Variants in SLCO1B3 observed in about 807,000 individuals in gnomAD.
SLCO1B3 encodes the protein liver-specific organic anion transporter 2.
SLCO1B3 carries 72 observed loss-of-function variants against 71.8 expected under a neutral mutation model. The ratio of observed to expected loss-of-function variants is 1.00; its 90% confidence interval spans 0.83 to 1.22. The LOEUF (loss-of-function observed/expected upper bound fraction) is 1.22, where lower values mean the gene tolerates loss of function less well. Among genes scored for constraint, SLCO1B3 ranks in the 50% most tolerant of loss-of-function variants. The pLI, the probability that SLCO1B3 is intolerant of heterozygous loss-of-function variation, is 0.00. For missense variants in SLCO1B3, 911 were observed against 819.7 expected, an observed-to-expected ratio of 1.11 and a Z score of -1.36; for synonymous variants, 298 against 278.4, an observed-to-expected ratio of 1.07 and a Z score of -0.70.
At chr12:20,865,002 T>C (rs1865343689) in intron 8 of SLCO1B3, among the ~76,000 whole-genome samples, 1 of 152,094 alleles carries the variant, frequency 6.6e-6, no homozygotes, top group Non-Finnish European at 1.5e-5. Flanking sequence ...GGCACCGGCA[T>C]TAATAAGGCT....
At chr12:20,891,242 A>C (rs1320255538) in intron 13 of SLCO1B3, among the ~76,000 whole-genome samples, 1 of 151,824 alleles carries the variant, frequency 6.6e-6, no homozygotes, top group African/African-American at 2.4e-5. Flanking sequence ...GTGTTTGCTT[A>C]TTTGGGAAGT....
At chr12:20,871,798 C>T (rs1865479840) in intron 8 of SLCO1B3, among the ~76,000 whole-genome samples, 1 of 152,092 alleles carries the variant, frequency 6.6e-6, no homozygotes, top group Non-Finnish European at 1.5e-5. Context: ...CTTGTGGCCC[C>T]CCAACCACTG....
chr12:20,877,338 G>GA (rs908478369), intron 9 of SLCO1B3, among the ~76,000 whole-genome samples: 1 of 151,584 alleles, frequency 6.6e-6, no homozygotes, highest in African/African-American at 2.4e-5. Context: ...CCTATAGTCA[G>GA]AAAAAAAATT....
At chr12:20,854,978 A>T (rs762549274) in intron 3 of SLCO1B3, 50 bp from the exon 4 acceptor site, 2 of 1,523,502 alleles carry the variant, frequency 1.3e-6, no homozygotes, top group Non-Finnish European at 1.8e-6. Flanking sequence ...TATAAACATT[A>T]TATAGTTCTT....
rs779052779 is a variant in SLCO1B3 at position 20,877,801 on chromosome 12, A to G, written c.1000A>G (p.Thr334Ala). 5 of 1,508,606 alleles carry G rather than the reference A, an allele frequency of 3.3e-6. No homozygotes were observed. In the Admixed American group the frequency reaches 1.1e-4, roughly 32 times the overall value. 93.5% of individuals were successfully genotyped at this position (1,508,606 alleles called of 1,614,324 possible). A position where few individuals can be genotyped will look rare whatever the true frequency, so the allele number is the denominator to read the frequency against. Residue 334 changes from threonine (T) to alanine (A), a missense_variant, in exon 10 of 16, where the codon ACC becomes GCC. By Grantham distance (58) the Thr-to-Ala change is moderately conservative (BLOSUM62 0). Coordinates refer to ENST00000381545, the MANE Select transcript of SLCO1B3 (RefSeq NM_019844.4). Reference protein sequence around the residue: ...GFFQSLKSILTNPLYVIFLLL... With the variant: ...GFFQSLKSILANPLYVIFLLL... ...TTTCCAGTCTTTGAAAAGCATCCTTACCAATCCCCTGTATGTTATATTTCT... is the reference window on the plus strand; with the variant it reads ...TTTCCAGTCTTTGAAAAGCATCCTTGCCAATCCCCTGTATGTTATATTTCT...
At chr12:20,882,589 A>G (rs1865714150) in intron 12 of SLCO1B3, among the ~76,000 whole-genome samples, 1 of 151,946 alleles carries the variant, frequency 6.6e-6, no homozygotes. Context: ...TATCTTTAGT[A>G]GAGACGGGGT....
At chr12:20,889,094 GTTT>G (rs34861372) in intron 13 of SLCO1B3, among the ~76,000 whole-genome samples, 2,788 of 143,274 alleles carry the variant, frequency 0.019, 41 homozygotes, top group Middle Eastern at 0.054. Context: ...ATTTTCTAGA[GTTT>G]TTTTTTTTTT....
At chr12:20,833,532 T>TTA (rs1212930435) in intron 3 of SLCO1B3, among the ~76,000 whole-genome samples, 38 of 145,840 alleles carry the variant, frequency 2.6e-4, no homozygotes, top group African/African-American at 9.7e-4. Flanking sequence ...CATATATAGT[T>TTA]TATATATGTA....
At chr12:20,850,486 A>T (rs11045559) in intron 3 of SLCO1B3, among the ~76,000 whole-genome samples, 1 of 151,536 alleles carries the variant, frequency 6.6e-6, no homozygotes, top group African/African-American at 2.4e-5. Context: ...GTTTCACCGC[A>T]TTAGCCAGGA....
intron 15 of SLCO1B3, among the ~76,000 whole-genome samples, chr12:20,905,610 A>G (rs1866227846): frequency 2.0e-5 from 3 of 152,198 alleles, no homozygotes; most frequent in Non-Finnish European, 4.4e-5. Flanking sequence ...TCTCTAGAGC[A>G]GGGACAAAAT....
intron 11 of SLCO1B3, 23 bp downstream of exon 11, chr12:20,879,654 A>C: frequency 6.9e-7 from 1 of 1,447,344 alleles, no homozygotes; most frequent in Non-Finnish European, 9.5e-7. Flanking sequence ...TGCTATATAA[A>C]TTGTGTAATA....
chr12:20,915,757 A>G (rs538690147), intron 15 of SLCO1B3, among the ~76,000 whole-genome samples: 62 of 152,002 alleles, frequency 4.1e-4, no homozygotes, highest in Admixed American at 7.2e-4. Flanking sequence ...GGAGTTATGT[A>G]TTTTCCTCCC....
chr12:20,888,855 G>A (rs1865845071), intron 13 of SLCO1B3, among the ~76,000 whole-genome samples: 1 of 151,964 alleles, frequency 6.6e-6, no homozygotes, highest in Non-Finnish European at 1.5e-5. Context: ...TTATTTTAAA[G>A]TATGTTTCTT....
At chr12:20,835,765 CA>C (rs1864665675) in intron 3 of SLCO1B3, among the ~76,000 whole-genome samples, 2 of 152,262 alleles carry the variant, frequency 1.3e-5, no homozygotes, top group Non-Finnish European at 2.9e-5. Flanking sequence ...CAAACTTTCC[CA>C]CATTTTCTTG....
rs200835380 is a variant in SLCO1B3 at position 20,861,050 on chromosome 12, A to G, written c.393A>G (p.Pro131=). 2 of 1,598,454 alleles carry G rather than the reference A, an allele frequency of 1.3e-6. No homozygotes were observed. Among genetic ancestry groups the G allele is most frequent in the East Asian group, 2.2e-5 (1 of 44,532 alleles). ...YRYSKETHIN[P]SENSTSSLST... ...ATTCTAAAGAAACCCATATTAATCCATCAGAAAATTCAACATCAAGTTTAT... is the reference window on the plus strand; with the variant it reads ...ATTCTAAAGAAACCCATATTAATCCGTCAGAAAATTCAACATCAAGTTTAT... The change falls in exon 6 of 16, where the codon CCA becomes CCG. Residue 131 remains proline (P), a synonymous_variant. Coordinates refer to ENST00000381545, the MANE Select transcript of SLCO1B3 (RefSeq NM_019844.4).
intron 3 of SLCO1B3, among the ~76,000 whole-genome samples, chr12:20,821,962 G>A (rs112036579): frequency 0.02 from 2,225 of 113,238 alleles, 63 homozygotes; most frequent in African/African-American, 0.077. Flanking sequence ...TTGAAGTGTG[G>A]TGTCAAGATT....
At chr12:20,896,993 T>C (rs1866021680) in intron 13 of SLCO1B3, among the ~76,000 whole-genome samples, 2 of 152,136 alleles carry the variant, frequency 1.3e-5, no homozygotes, top group Non-Finnish European at 2.9e-5. Context: ...AGACTTATTA[T>C]CATGAGAACA....
intron 8 of SLCO1B3, among the ~76,000 whole-genome samples, chr12:20,863,343 T>C (rs1012825934): frequency 6.6e-6 from 1 of 152,180 alleles, no homozygotes; most frequent in Non-Finnish European, 1.5e-5. Flanking sequence ...TGGGAACATT[T>C]AATGAGTGCT....
At chr12:20,861,230 T>C (rs1591766672) in intron 6 of SLCO1B3, 92 bp downstream of exon 6, 4 of 1,096,974 alleles carry the variant, frequency 3.6e-6, no homozygotes, top group Non-Finnish European at 3.9e-6. Flanking sequence ...AAAATTGATT[T>C]AAGAACAAAT....
Sources: gnomAD v4.1 joint callset for allele counts (sites outside exome capture counted in the v4.1 genomes callset) on GRCh38, gnomAD v4.1.1 for gene constraint, MANE v1.5 for transcripts, NCBI Gene and HGNC (gene_info 2026-07-23, HGNC 2026-07-21) for gene names.